Variants in MICU2 observed in about 807,000 individuals in gnomAD.
The protein encoded by MICU2 is calcium uptake protein 2, mitochondrial.
Under a neutral mutation model 60.4 loss-of-function variants are expected in MICU2, and 64 were observed. That is an observed-to-expected ratio of 1.06 (90% confidence interval 0.87 to 1.31). MICU2 has a LOEUF of 1.31. Ranked by LOEUF, MICU2 falls within the 50% of genes most tolerant of loss-of-function variation. MICU2 has a pLI of 0.00. For synonymous variants in MICU2, 201 were observed against 175.0 expected (o/e 1.15, Z -1.17); for missense variants, 569 against 531.0 (o/e 1.07, Z -0.70).
chr13:21,556,133 C>G (rs1286856218), intron 2 of MICU2, among the ~76,000 whole-genome samples: 3 of 152,060 alleles, frequency 2.0e-5, no homozygotes, highest in Non-Finnish European at 4.4e-5. Context: ...TTTCCTAAAC[C>G]CACTCTAGTC....
At chr13:21,543,084 C>T (rs765713962) in intron 2 of MICU2, among the ~76,000 whole-genome samples, 10 of 152,146 alleles carry the variant, frequency 6.6e-5, no homozygotes, top group Admixed American at 5.2e-4. Context: ...ATATTAGAAT[C>T]AGCCTAAGAC....
intron 4 of MICU2, among the ~76,000 whole-genome samples, chr13:21,528,981 G>A (rs770926240): frequency 9.2e-5 from 14 of 152,266 alleles, no homozygotes; most frequent in South Asian, 2.1e-4. Flanking sequence ...GTAAAAAGAC[G>A]TGGCACACTG....
At position 21,521,240 on chromosome 13, in the gene MICU2, C is replaced by G. The variant is rs915143884; in HGVS notation, c.597+5G>C. 1.3e-6 allele frequency: 2 copies of G among 1,592,640 alleles called. No homozygotes were observed. The highest frequency in any genetic ancestry group is 1.4e-5 in the African/African-American group (1 of 73,984). ...ATAAACCTAAAATAATTAGCGTCCA[C>G]TTACCTTAAAAAATTCCCTTTTTTC... On this transcript the variant is annotated splice_donor_5th_base_variant and intron_variant, in intron 6 of 11. Coordinates refer to ENST00000382374, the MANE Select transcript of MICU2 (RefSeq NM_152726.3).
chr13:21,585,251 C>A (rs1478689566), intron 1 of MICU2, among the ~76,000 whole-genome samples: 1 of 152,172 alleles, frequency 6.6e-6, no homozygotes, highest in Non-Finnish European at 1.5e-5. Context: ...AACATCATAG[C>A]TTTGTCATCA....
chr13:21,583,295 T>C (rs1216210515), intron 1 of MICU2, among the ~76,000 whole-genome samples: 2 of 152,164 alleles, frequency 1.3e-5, no homozygotes, highest in Non-Finnish European at 2.9e-5. Context: ...ATTAAATAAA[T>C]AAACATGCTT....
chr13:21,560,213 T>C (rs1031919945), intron 2 of MICU2, among the ~76,000 whole-genome samples: 9 of 152,350 alleles, frequency 5.9e-5, no homozygotes, highest in African/African-American at 2.2e-4. Flanking sequence ...TTTATGTTAG[T>C]GCTTTTTGTG....
chr13:21,526,205 C>T (rs1886852457), intron 4 of MICU2, among the ~76,000 whole-genome samples: 1 of 148,970 alleles, frequency 6.7e-6, no homozygotes, highest in African/African-American at 2.5e-5. Context: ...GCTCCTGCCT[C>T]AGCCTCCCAA....
At chr13:21,555,529 T>C (rs1887686428) in intron 2 of MICU2, among the ~76,000 whole-genome samples, 1 of 152,192 alleles carries the variant, frequency 6.6e-6, no homozygotes, top group African/African-American at 2.4e-5. Flanking sequence ...CTCAAAATAA[T>C]AATAGCTATC....
At chr13:21,521,464 A>G (rs943386728) in intron 5 of MICU2, 137 bp from the exon 6 acceptor site, 4 of 624,096 alleles carry the variant, frequency 6.4e-6, no homozygotes, top group Admixed American at 3.6e-5. Flanking sequence ...ATGATTTCTT[A>G]TAACAATTCC....
intron 6 of MICU2, among the ~76,000 whole-genome samples, chr13:21,518,836 A>G (rs1402803314): frequency 2.0e-5 from 3 of 152,168 alleles, no homozygotes; most frequent in African/African-American, 7.2e-5. Flanking sequence ...TCAAATATTT[A>G]TTTGAGATAT....
At chr13:21,570,426 G>T (rs1156604562) in intron 1 of MICU2, among the ~76,000 whole-genome samples, 1 of 152,098 alleles carries the variant, frequency 6.6e-6, no homozygotes, top group African/African-American at 2.4e-5. Flanking sequence ...CATCTGTCAG[G>T]CTTAGCTTGC....
chr13:21,551,848 C>G (rs369527033), intron 2 of MICU2, among the ~76,000 whole-genome samples: 12 of 152,084 alleles, frequency 7.9e-5, no homozygotes, highest in Admixed American at 2.6e-4. Flanking sequence ...GGACATTTGG[C>G]TTGGTTCCAA....
At chr13:21,563,245 C>T (rs146084751) in intron 2 of MICU2, among the ~76,000 whole-genome samples, 59 of 151,968 alleles carry the variant, frequency 3.9e-4, no homozygotes, top group African/African-American at 1.2e-3. Context: ...CATGAGGTCA[C>T]GAGATCGAGA....
chr13:21,600,848 C>G (rs536738144), intron 1 of MICU2, among the ~76,000 whole-genome samples: 12 of 152,226 alleles, frequency 7.9e-5, no homozygotes, highest in South Asian at 2.1e-4. Context: ...CCAGGCTGGA[C>G]TGCAGTGGCA....
intron 2 of MICU2, among the ~76,000 whole-genome samples, chr13:21,544,600 T>C (rs1424071315): frequency 4.7e-5 from 7 of 150,246 alleles, no homozygotes; most frequent in African/African-American, 1.7e-4. Flanking sequence ...CTCATCCCAG[T>C]TATGATGGCT....
chr13:21,575,714 A>C (rs1286157896), intron 1 of MICU2, among the ~76,000 whole-genome samples: 1 of 118,582 alleles, frequency 8.4e-6, no homozygotes, highest in East Asian at 2.9e-4. Context: ...TGAGCGACAG[A>C]GTGAGACTCT....
At chr13:21,551,717 T>G (rs1387633689) in intron 2 of MICU2, among the ~76,000 whole-genome samples, 1 of 151,590 alleles carries the variant, frequency 6.6e-6, no homozygotes, top group Admixed American at 6.6e-5. Flanking sequence ...GATAGTTTGC[T>G]GAGAATGATG....
At chr13:21,570,031 A>C (rs542855871) in intron 1 of MICU2, among the ~76,000 whole-genome samples, 3 of 152,202 alleles carry the variant, frequency 2.0e-5, no homozygotes, top group Non-Finnish European at 4.4e-5. Context: ...GATTTAAGCT[A>C]AACTTCAGAG....
chr13:21,574,451 C>A (rs939974363), intron 1 of MICU2, among the ~76,000 whole-genome samples: 1 of 152,186 alleles, frequency 6.6e-6, no homozygotes, highest in African/African-American at 2.4e-5. Flanking sequence ...GTGATGTGAA[C>A]TGGATAAAAG....
Sources: allele counts gnomAD v4.1 joint callset (sites outside exome capture counted in the v4.1 genomes callset), GRCh38; gene constraint gnomAD v4.1.1; transcripts MANE v1.5; gene names NCBI Gene and HGNC (gene_info 2026-07-23, HGNC 2026-07-21).